Variants in CREBRF observed in about 807,000 individuals in gnomAD.
The protein encoded by CREBRF is UPF0474 protein C5orf41.
Under a neutral mutation model 66.1 loss-of-function variants are expected in CREBRF, and 5 were observed. The ratio of observed to expected loss-of-function variants is 0.08; its 90% CI spans 0.04 to 0.16. CREBRF has a LOEUF of 0.16. Among genes scored for constraint, CREBRF ranks in the 10% least tolerant of loss-of-function variants. CREBRF has a pLI of 1.00. For missense variants in CREBRF, 531 were observed against 744.9 expected (o/e 0.71, Z 3.34); for synonymous variants, 229 against 264.4 (o/e 0.87, Z 1.30).
At chr5:173,112,431 ACT>A (rs761574755) in intron 7 of CREBRF, 52 bp downstream of exon 7, 8 of 1,221,904 alleles carry the variant, frequency 6.5e-6, no homozygotes, top group Non-Finnish European at 9.3e-6. Context: ...TTTGCTGACC[ACT>A]CTCTCTTTTC....
intron 7 of CREBRF, among the ~76,000 whole-genome samples, chr5:173,121,079 T>G (rs1388113877): frequency 1.3e-5 from 2 of 152,158 alleles, no homozygotes; most frequent in African/African-American, 4.8e-5. Flanking sequence ...AGCACCATAT[T>G]TTCTTATTAT....
chr5:173,095,440 C>T (rs1422778191), intron 4 of CREBRF, among the ~76,000 whole-genome samples: 2 of 152,026 alleles, frequency 1.3e-5, no homozygotes, highest in African/African-American at 4.8e-5. Flanking sequence ...CTGCCAGCCT[C>T]GGCCTCCCAA....
chr5:173,076,487 G>A (rs76107324), intron 1 of CREBRF, among the ~76,000 whole-genome samples: 9,476 of 152,084 alleles, frequency 0.062, 355 homozygotes, highest in Middle Eastern at 0.17. Flanking sequence ...TCAGTGTCTC[G>A]CACCTGTAAT....
chr5:173,125,480 T>C (rs981802276), intron 8 of CREBRF, among the ~76,000 whole-genome samples: 5 of 152,242 alleles, frequency 3.3e-5, no homozygotes, highest in Non-Finnish European at 7.3e-5. Flanking sequence ...TTCATATATG[T>C]GTGAAATTAG....
chr5:173,086,434 C>A, intron 2 of CREBRF, 67 bp from the exon 3 acceptor site: 1 of 1,453,682 alleles, frequency 6.9e-7, no homozygotes. Context: ...GGGGTTGGGG[C>A]TCATATGTGA....
At position 173,133,771 on chromosome 5, in the gene CREBRF, A is replaced by G; in HGVS notation, c.*26A>G. 8.0e-7 allele frequency: 1 copy of G among 1,251,458 alleles called. No homozygotes were observed. Among genetic ancestry groups the G allele is most frequent in the Non-Finnish European group, 1.2e-6 (1 of 864,602 alleles). The allele number at this position is 1,251,458 out of a possible 1,614,324, so 77.5% of individuals were successfully genotyped here. A position where few individuals can be genotyped will look rare whatever the true frequency, so the allele number is the denominator to read the frequency against. The stretch of plus-strand genomic sequence containing the variant: ...TCAGCCTCATTGGACCACTGGTCAG[A>G]AATGTCTGCGTTTTGTCACGTTATC... On this transcript the variant is annotated 3_prime_UTR_variant, in exon 9 of 9. Transcript: ENST00000296953.
intron 1 of CREBRF, among the ~76,000 whole-genome samples, chr5:173,065,060 C>T (rs1479367030): frequency 1.3e-5 from 2 of 152,158 alleles, no homozygotes; most frequent in Non-Finnish European, 2.9e-5. Context: ...ACCTTTGAAT[C>T]CTCTACTAGA....
chr5:173,094,019 CTG>C (rs1758415836), intron 4 of CREBRF, among the ~76,000 whole-genome samples: 1 of 152,128 alleles, frequency 6.6e-6, no homozygotes, highest in South Asian at 2.1e-4. Context: ...TGAGATCATG[CTG>C]TATTTGTCTT....
chr5:173,101,635 C>T (rs574452588), intron 4 of CREBRF, among the ~76,000 whole-genome samples: 1 of 152,126 alleles, frequency 6.6e-6, no homozygotes, highest in Non-Finnish European at 1.5e-5. Flanking sequence ...TCACTGCAAC[C>T]TCTGCCTCCT....
At chr5:173,093,561 G>A (rs1758402755) in intron 4 of CREBRF, among the ~76,000 whole-genome samples, 1 of 152,168 alleles carries the variant, frequency 6.6e-6, no homozygotes, top group Non-Finnish European at 1.5e-5. Flanking sequence ...CAATTGCCTA[G>A]GCTGGAGTGC....
intron 8 of CREBRF, among the ~76,000 whole-genome samples, chr5:173,132,235 G>A (rs1313960602): frequency 2.1e-4 from 32 of 149,482 alleles, no homozygotes; most frequent in Admixed American, 6.6e-5. Context: ...ACAGGTACCC[G>A]CCACCATGCC....
At chr5:173,124,816 CTTA>C (rs894865341) in intron 8 of CREBRF, among the ~76,000 whole-genome samples, 6 of 151,170 alleles carry the variant, frequency 4.0e-5, no homozygotes, top group African/African-American at 1.2e-4. Context: ...TGTAGGGACT[CTTA>C]TTATCTATAG....
intron 2 of CREBRF, among the ~76,000 whole-genome samples, chr5:173,083,147 G>C (rs1256696165): frequency 6.6e-6 from 1 of 151,796 alleles, no homozygotes; most frequent in Admixed American, 6.6e-5. Flanking sequence ...AGAATCGCTT[G>C]AACACTGGAG....
intron 8 of CREBRF, among the ~76,000 whole-genome samples, chr5:173,126,497 A>C: frequency 6.6e-6 from 1 of 151,960 alleles, no homozygotes; most frequent in Non-Finnish European, 1.5e-5. Context: ...TGGCTGGTCC[A>C]TTTTCAGAGT....
At chr5:173,124,503 T>G (rs1372956957) in intron 8 of CREBRF, 6 of 140,374 alleles carry the variant, frequency 4.3e-5, no homozygotes, top group Non-Finnish European at 9.0e-5. Context: ...GAGGTTACAG[T>G]GAGCCAAGAT....
intron 2 of CREBRF, 139 bp from the exon 3 acceptor site, chr5:173,086,362 C>G (rs558772543): frequency 7.0e-4 from 527 of 750,868 alleles, no homozygotes; most frequent in Non-Finnish European, 1.1e-3. Flanking sequence ...CTTAAATATA[C>G]TATACAGTAG....
intron 1 of CREBRF, among the ~76,000 whole-genome samples, chr5:173,070,531 A>AAT (rs1757566625): frequency 6.6e-6 from 1 of 152,138 alleles, no homozygotes; most frequent in Non-Finnish European, 1.5e-5. Flanking sequence ...GGGAGAGAAC[A>AAT]ATATAACATG....
intron 5 of CREBRF, 55 bp downstream of exon 5, chr5:173,108,873 T>G: frequency 6.6e-7 from 1 of 1,510,954 alleles, no homozygotes; most frequent in Non-Finnish European, 9.1e-7. Flanking sequence ...GTTGAGCTAC[T>G]AATCCATAAT....
In CREBRF at chr5:173,080,772, G is replaced by C. The variant is rs761454337; in HGVS notation, c.-4G>C. On this transcript the variant is annotated 5_prime_UTR_variant, in exon 2 of 9. Transcript: ENST00000296953. ...AATCGGATTCACAGGATCTGGGCTT[G>C]GAAATGCCTCAGGTAAATCATACAG... The C allele has an allele frequency of 1.9e-6, 3 of 1,613,350 alleles. No individual in the cohort carries two copies. In the South Asian group the frequency reaches 3.3e-5, roughly 18 times the overall value.
Sources: allele counts gnomAD v4.1 joint callset (sites outside exome capture counted in the v4.1 genomes callset), GRCh38; gene constraint gnomAD v4.1.1; transcripts MANE v1.5; gene names NCBI Gene and HGNC (gene_info 2026-07-23, HGNC 2026-07-21).